The following CAMSAP1 variants were observed in gnomAD, a reference collection of about 807,000 sequenced individuals.
CAMSAP1 encodes the protein calmodulin-regulated spectrin-associated protein 1.
Under a neutral mutation model 143.5 loss-of-function variants are expected in CAMSAP1, and 58 were observed. That is an observed-to-expected ratio of 0.40 (90% CI 0.33 to 0.50). The LOEUF is 0.50. Among genes scored for constraint, CAMSAP1 ranks in the 20% least tolerant of loss-of-function variants. The pLI, the probability that CAMSAP1 is intolerant of heterozygous loss-of-function variation, is 0.45. For missense variants in CAMSAP1, 1,969 were observed against 2,115.7 expected (o/e 0.93, Z 1.36); for synonymous variants, 945 against 859.3 (o/e 1.10, Z -1.74).
At chr9:135,850,825 A>G (rs1010882027) in intron 5 of CAMSAP1, among the ~76,000 whole-genome samples, 3 of 152,218 alleles carry the variant, frequency 2.0e-5, no homozygotes, top group Non-Finnish European at 4.4e-5. Flanking sequence ...GCCCATCAGA[A>G]ACCCTCTGCA....
At chr9:135,851,138 G>T (rs143730420) in intron 5 of CAMSAP1, among the ~76,000 whole-genome samples, 1 of 152,180 alleles carries the variant, frequency 6.6e-6, no homozygotes, top group Non-Finnish European at 1.5e-5. Context: ...GGTGTGGAGT[G>T]GGGGGTGGCC....
chr9:135,809,839 G>C lies in CAMSAP1; in HGVS notation c.*1470C>G, dbSNP rs1251319013. ...CTGTACTTCTCTTCAAAGGACTGAG[G>C]AAAGGGGAATAAGACCTATAATTCC... is the stretch of plus-strand genomic sequence containing the variant. On this transcript the variant is annotated 3_prime_UTR_variant, in exon 17 of 17. Coordinates refer to ENST00000389532, the MANE Select transcript of CAMSAP1 (RefSeq NM_015447.4). The C allele has an allele frequency of 6.6e-6, 1 of 152,560 alleles. No homozygotes were observed. The highest frequency in any genetic ancestry group is 2.4e-5 in the African/African-American group (1 of 41,444). 9.5% of individuals were successfully genotyped at this position (152,560 alleles called of 1,614,324 possible).
At chr9:135,837,992 C>CAA (rs1836156496) in intron 7 of CAMSAP1, among the ~76,000 whole-genome samples, 1 of 150,490 alleles carries the variant, frequency 6.6e-6, no homozygotes, top group Admixed American at 6.6e-5. Context: ...CACACGCTTT[C>CAA]TACCCCTTCT....
At chr9:135,903,823 A>G (rs1838685822) in intron 1 of CAMSAP1, among the ~76,000 whole-genome samples, 1 of 152,154 alleles carries the variant, frequency 6.6e-6, no homozygotes, top group Non-Finnish European at 1.5e-5. Flanking sequence ...GGAGACATTC[A>G]AAAGAAGAAA....
intron 7 of CAMSAP1, chr9:135,836,716 T>G (rs996268404): frequency 1.0e-6 from 1 of 982,974 alleles, no homozygotes; most frequent in African/African-American, 1.8e-5. Context: ...CAGACACACA[T>G]CACCACGCAC....
intron 4 of CAMSAP1, 166 bp downstream of exon 4, chr9:135,866,290 T>C: frequency 1.8e-6 from 1 of 569,694 alleles, no homozygotes. Flanking sequence ...TGGTCACATC[T>C]CACTGAGGTG....
At chr9:135,836,750 C>T in intron 7 of CAMSAP1, 2 of 979,878 alleles carry the variant, frequency 2.0e-6, no homozygotes, top group Admixed American at 6.2e-5. Context: ...CACAGCCACA[C>T]ATTGTCACGT....
intron 16 of CAMSAP1, among the ~76,000 whole-genome samples, chr9:135,812,502 G>A (rs543072983): frequency 1.6e-4 from 25 of 152,286 alleles, no homozygotes; most frequent in Non-Finnish European, 2.6e-4. Flanking sequence ...GAGCTTGGGC[G>A]CGGGAAGACT....
chr9:135,847,143 C>T (rs907420705), intron 7 of CAMSAP1, among the ~76,000 whole-genome samples: 6 of 151,262 alleles, frequency 4.0e-5, no homozygotes, highest in African/African-American at 1.5e-4. Flanking sequence ...GTCAAGAGAT[C>T]GAGACCATCC....
At chr9:135,850,104 C>A (rs1836719692) in intron 7 of CAMSAP1, 33 bp downstream of exon 7, 1 of 1,550,542 alleles carries the variant, frequency 6.4e-7, no homozygotes, top group Non-Finnish European at 8.8e-7. Flanking sequence ...CTCAAGGAAA[C>A]CATTGCCAAC....
At chr9:135,834,231 G>GA (rs1258184442) in intron 7 of CAMSAP1, among the ~76,000 whole-genome samples, 2 of 152,150 alleles carry the variant, frequency 1.3e-5, no homozygotes, top group Non-Finnish European at 2.9e-5. Flanking sequence ...TAGCCATTCT[G>GA]AAAAACAGTA....
intron 7 of CAMSAP1, among the ~76,000 whole-genome samples, chr9:135,849,079 C>A (rs970478768): frequency 2.6e-4 from 39 of 152,218 alleles, no homozygotes; most frequent in Non-Finnish European, 4.7e-4. Context: ...TGGGGTCATG[C>A]CCCAATAAAC....
Position 135,821,268 on chromosome 9 carries a change from C to G in CAMSAP1, c.3393G>C (p.Pro1131=), listed in dbSNP as rs748498793. 8 of 1,609,392 alleles carry G rather than the reference C, an allele frequency of 5.0e-6. No individual in the cohort carries two copies. The Admixed American group carries it at 1.0e-4, about 20-fold the overall frequency. The change falls in exon 11 of 17, where the codon CCG becomes CCC. Residue 1131 remains proline (P), a synonymous_variant. Coordinates refer to ENST00000389532, the MANE Select transcript of CAMSAP1 (RefSeq NM_015447.4). The surrounding 1 kb of genome is among the most constrained non-coding windows in gnomAD (Gnocchi z 4.6). Reference sequence around the variant, plus strand: ...TGCTGGCAGGGAAGGGTCTCAAGTGCGGGAGCGTCTCTACACTGGGCGTTG... The same window carrying G: ...TGCTGGCAGGGAAGGGTCTCAAGTGGGGGAGCGTCTCTACACTGGGCGTTG... ...KTPTPSVETL[P]HLRPFPASSH...
chr9:135,849,944 G>A (rs979798250), intron 7 of CAMSAP1, 193 bp downstream of exon 7: 13 of 450,644 alleles, frequency 2.9e-5, no homozygotes, highest in East Asian at 1.7e-4. Flanking sequence ...GCTGTGATTC[G>A]TAACCGAATA....
chr9:135,904,053 G>C (rs961924106), intron 1 of CAMSAP1, among the ~76,000 whole-genome samples: 4 of 152,192 alleles, frequency 2.6e-5, no homozygotes, highest in African/African-American at 9.7e-5. Flanking sequence ...AATTTAAAGA[G>C]AGTCTCAATT....
intron 7 of CAMSAP1, chr9:135,836,221 CT>C (rs1427462293): frequency 2.0e-6 from 2 of 985,102 alleles, no homozygotes; most frequent in African/African-American, 3.5e-5. Context: ...CGCCAAGTAC[CT>C]TCTACCCTGT....
chr9:135,885,447 A>AG (rs1461098676), intron 1 of CAMSAP1, among the ~76,000 whole-genome samples: 2 of 152,188 alleles, frequency 1.3e-5, no homozygotes, highest in Non-Finnish European at 2.9e-5. Context: ...GAAAGGCCCC[A>AG]GGGGACCCCT....
At chr9:135,839,074 G>A (rs551780224) in intron 7 of CAMSAP1, among the ~76,000 whole-genome samples, 2 of 152,116 alleles carry the variant, frequency 1.3e-5, no homozygotes, top group African/African-American at 2.4e-5. Context: ...CTTTCTACCC[G>A]TTCTGCAGAC....
In CAMSAP1 at chr9:135,826,252, C is replaced by T. The variant is rs749181967; in HGVS notation, c.1223+1155G>A. Reference sequence around the variant, plus strand: ...AGACACGCAAAGACCGAAGGGAGGACGCCAAGTGTCCACGCTGGCCCCATG... The same window carrying T: ...AGACACGCAAAGACCGAAGGGAGGATGCCAAGTGTCCACGCTGGCCCCATG... On this transcript the variant is annotated intron_variant, in intron 8 of 16. Coordinates refer to ENST00000389532, the MANE Select transcript of CAMSAP1 (RefSeq NM_015447.4). The surrounding 1 kb of genome is among the most constrained non-coding windows in gnomAD (Gnocchi z 4.4). The T allele has an allele frequency of 1.3e-5, 2 of 152,388 alleles. No individual in the cohort carries two copies. The highest frequency in any genetic ancestry group is 2.4e-5 in the African/African-American group (1 of 41,438). 9.4% of individuals were successfully genotyped at this position (152,388 alleles called of 1,614,324 possible).
Sources: allele counts gnomAD v4.1 joint callset (sites outside exome capture counted in the v4.1 genomes callset), GRCh38; gene constraint gnomAD v4.1.1; non-coding constraint Gnocchi (gnomAD v3.1); transcripts MANE v1.5; gene names NCBI Gene and HGNC (gene_info 2026-07-23, HGNC 2026-07-21).